CAMSAP3: variants seen among roughly 807,000 people sequenced by gnomAD.
CAMSAP3 encodes the protein calmodulin-regulated spectrin-associated protein 3.
Under a neutral mutation model 112.5 loss-of-function variants are expected in CAMSAP3, and 34 were observed. The observed-to-expected ratio is 0.30, with a 90% CI of 0.23 to 0.40. CAMSAP3 has a LOEUF of 0.40. Ranked by LOEUF, CAMSAP3 falls within the 10% of genes least tolerant of loss-of-function variation. The probability of loss-of-function intolerance (pLI) is 1.00; values close to 1 mark genes in which losing one functional copy is unlikely to be tolerated. For missense variants in CAMSAP3, 1,602 were observed against 1,770.3 expected (o/e 0.90, Z 1.71); for synonymous variants, 868 against 799.8 (o/e 1.09, Z -1.44).
chr19:7,612,862 G>A lies in CAMSAP3; in HGVS notation c.2369G>A (p.Arg790Gln), dbSNP rs1447172074. 3 of 1,601,074 alleles carry A rather than the reference G, an allele frequency of 1.9e-6. No individual in the cohort carries two copies. The highest frequency in any genetic ancestry group is 1.1e-5 in the South Asian group (1 of 90,010). The change falls in exon 11 of 17, where the codon CGG becomes CAG. Residue 790 changes from arginine to glutamine, a missense_variant. By Grantham distance (43) the Arg-to-Gln change is conservative. Coordinates refer to ENST00000160298, the MANE Select transcript of CAMSAP3 (RefSeq NM_020902.2). ...AAACACACGCGGCCAGCGGAGCTGC[G>A]GCTGGCACCCTTGACCAGGGTGCTT... ...SPKHTRPAEL[R>Q]LAPLTRVLTP...
At chr19:7,604,034 C>G (rs1301374293) in intron 1 of CAMSAP3, among the ~76,000 whole-genome samples, 1 of 152,108 alleles carries the variant, frequency 6.6e-6, no homozygotes, top group East Asian at 1.9e-4. Context: ...ACTTGGGAGT[C>G]TGAGGCAGGA....
rs1178493495 is a variant in CAMSAP3 at position 7,615,603 on chromosome 19, G to A, written c.2996G>A (p.Arg999Gln). ...KLMDDLDKVL[R>Q]PRAAGSGGPG... ...ATGGACGACCTCGATAAGGTGCTGC[G>A]GCCCCGGGCTGCGGGGTCCGGGGGT... The change falls in exon 13 of 17, where the codon CGG (arginine) becomes CAG (glutamine). Residue 999 changes from arginine (R) to glutamine (Q), a missense_variant. Arg to Gln is a conservative substitution (Grantham distance 43). Transcript: ENST00000160298. The surrounding 1 kb of genome is among the most constrained non-coding windows in gnomAD (Gnocchi z 6.5). The A allele has an allele frequency of 6.1e-6, 9 of 1,470,446 alleles. No individual in the cohort carries two copies. Among genetic ancestry groups the A allele is most frequent in the Non-Finnish European group, 8.1e-6 (9 of 1,111,520 alleles). 91.1% of individuals were successfully genotyped at this position (1,470,446 alleles called of 1,614,324 possible).
Position 7,596,118 on chromosome 19 carries a change from C to T in CAMSAP3, c.116C>T (p.Ala39Val). The change falls in exon 1 of 17, where the codon GCG becomes GTG. Residue 39 changes from alanine to valine, a missense_variant. Around this residue, in one of 6 missense-constraint regions of CAMSAP3, gnomAD observed 147 missense variants for 144.6 expected, o/e 1.02. Transcript: ENST00000160298. Reference sequence around the variant, plus strand: ...CGGGCCAAGGCGGCGGCCAGCCTGGCGTGGGTGCTGCGGGCCGCGTTCGGG... The same window carrying T: ...CGGGCCAAGGCGGCGGCCAGCCTGGTGTGGGTGCTGCGGGCCGCGTTCGGG... Reference protein sequence around the residue: ...FSRAKAAASLAWVLRAAFGGA... With the variant: ...FSRAKAAASLVWVLRAAFGGA... 8.6e-7 allele frequency: 1 copy of T among 1,165,986 alleles called. No individual in the cohort carries two copies. Among genetic ancestry groups the T allele is most frequent in the Non-Finnish European group, 1.1e-6 (1 of 924,178 alleles). 72.2% of individuals were successfully genotyped at this position (1,165,986 alleles called of 1,614,324 possible). A position where few individuals can be genotyped will look rare whatever the true frequency, so the allele number is the denominator to read the frequency against.
Position 7,615,104 on chromosome 19 carries a change from C to A in CAMSAP3, c.2671-79C>A. The A allele has an allele frequency of 6.6e-7, 1 of 1,514,594 alleles. No individual in the cohort carries two copies. The highest frequency in any genetic ancestry group is 9.0e-7 in the Non-Finnish European group (1 of 1,115,268). The allele number at this position is 1,514,594 out of a possible 1,614,324, so 93.8% of individuals were successfully genotyped here. Reference sequence around the variant, plus strand: ...AACAAAAGCACAGGTGGGTGGCGGGCAGGCTGGGTGGAGGGAAGATGGGCC... The same window carrying A: ...AACAAAAGCACAGGTGGGTGGCGGGAAGGCTGGGTGGAGGGAAGATGGGCC... On this transcript the variant is annotated intron_variant, in intron 11 of 16. Transcript: ENST00000160298. The surrounding 1 kb of genome is among the most constrained non-coding windows in gnomAD (Gnocchi z 6.5).
Position 7,612,918 on chromosome 19 carries a change from C to G in CAMSAP3, c.2425C>G (p.His809Asp). The G allele has an allele frequency of 1.2e-6, 2 of 1,609,932 alleles. No individual in the cohort carries two copies. Among genetic ancestry groups the G allele is most frequent in the Admixed American group, 1.7e-5 (1 of 59,934 alleles). ...TPPHDVDSLP[H>D]LRKFSPSQVP... ...ACCCCACGACGTAGACAGCCTCCCC[C>G]ACCTGCGCAAGTTCTCGCCGAGCCA... The change falls in exon 11 of 17, where the codon CAC (histidine) becomes GAC (aspartate). Residue 809 changes from histidine (H) to aspartate (D), a missense_variant. Physicochemically the swap from His to Asp is moderately conservative, Grantham distance 81. Transcript: ENST00000160298.
In CAMSAP3 at chr19:7,610,660, G is replaced by T. The variant is rs201182923; in HGVS notation, c.901-40G>T. The T allele has an allele frequency of 4.3e-6, 7 of 1,613,860 alleles. No homozygotes were observed. The Admixed American group carries it at 1.2e-4, about 27-fold the overall frequency. ...TCCTGGGCCGAGGCGGGCATCTGGG[G>T]CCAGGGGTCCCGTCTGCTGACCCGG... is the stretch of plus-strand genomic sequence containing the variant. On this transcript the variant is annotated intron_variant, in intron 6 of 16. Coordinates refer to ENST00000160298, the MANE Select transcript of CAMSAP3 (RefSeq NM_020902.2). This position sits in a 1 kb window ranked among gnomAD's most constrained non-coding sequence, Gnocchi z 4.9.
chr19:7,616,826 G>A (rs1263261101), intron 14 of CAMSAP3, among the ~76,000 whole-genome samples: 3 of 151,906 alleles, frequency 2.0e-5, no homozygotes, highest in African/African-American at 7.3e-5. Context: ...GTGCCTCAGT[G>A]CACTTGAGTG....
intron 11 of CAMSAP3, among the ~76,000 whole-genome samples, chr19:7,614,283 A>AAAAAAAAAAAAAAAT: frequency 7.0e-6 from 1 of 142,530 alleles, no homozygotes; most frequent in Non-Finnish European, 1.5e-5. Flanking sequence ...AAAAAAAAAA[A>AAAAAAAAAAAAAAAT]GTGAGCACAG....
chr19:7,598,157 G>A (rs988350418), intron 1 of CAMSAP3, among the ~76,000 whole-genome samples: 1 of 152,158 alleles, frequency 6.6e-6, no homozygotes, highest in African/African-American at 2.4e-5. Flanking sequence ...GCTGGCCAGC[G>A]GGGCCTGGGG....
At chr19:7,616,943 T>TTG (rs1555763649) in intron 14 of CAMSAP3, among the ~76,000 whole-genome samples, 1 of 127,420 alleles carries the variant, frequency 7.8e-6, no homozygotes, top group Non-Finnish European at 1.7e-5. Flanking sequence ...CCTTTTTTTT[T>TTG]TTTTTTTTTT....
intron 1 of CAMSAP3, among the ~76,000 whole-genome samples, chr19:7,600,158 C>T (rs1480720322): frequency 2.0e-4 from 1 of 5,034 alleles, no homozygotes; most frequent in South Asian, 4.4e-3. Flanking sequence ...CACCCACCCT[C>T]CCACCCATCC....
chr19:7,610,205 C>T lies in CAMSAP3; in HGVS notation c.761-271C>T, dbSNP rs2030404116. Among the ~76,000 whole-genome samples, 1 of 151,880 alleles carries T rather than the reference C, an allele frequency of 6.6e-6. No individual in the cohort carries two copies. The highest frequency in any genetic ancestry group is 2.1e-4 in the South Asian group (1 of 4,812). ...TTGTGGCACACTCCTGTAATCCCAGCTACTCAGGAGGCTGAGGTGGGAGAA... is the reference window on the plus strand; with the variant it reads ...TTGTGGCACACTCCTGTAATCCCAGTTACTCAGGAGGCTGAGGTGGGAGAA... On this transcript the variant is annotated intron_variant, in intron 5 of 16. Transcript: ENST00000160298. The surrounding 1 kb of genome is among the most constrained non-coding windows in gnomAD (Gnocchi z 4.9).
At position 7,617,802 on chromosome 19, in the gene CAMSAP3, G is replaced by C; in HGVS notation, c.3495G>C (p.Ser1165=). Residue 1165 remains serine (S), a synonymous_variant, in exon 17 of 17, where the codon TCG becomes TCC. Transcript: ENST00000160298. The surrounding 1 kb of genome is among the most constrained non-coding windows in gnomAD (Gnocchi z 7.5). Reference sequence around the variant, plus strand: ...ACTTCCTGATCCTCTTTCGCGACTCGAGCTGCCAGTTCCGGGCGCTCTACA... The same window carrying C: ...ACTTCCTGATCCTCTTTCGCGACTCCAGCTGCCAGTTCCGGGCGCTCTACA... ...ANHFLILFRD[S]SCQFRALYTL... 2 of 1,613,304 alleles carry C rather than the reference G, an allele frequency of 1.2e-6. No homozygotes were observed. The highest frequency in any genetic ancestry group is 1.7e-6 in the Non-Finnish European group (2 of 1,179,706).
In CAMSAP3 at chr19:7,596,159, G is replaced by A. The variant is rs763475498; in HGVS notation, c.148+9G>A. The stretch of plus-strand genomic sequence containing the variant: ...CGCGTTCGGGGGCGCAGGTACCGGG[G>A]CTCGGGGGACCGGGGTCGGGGGCGG... On this transcript the variant is annotated intron_variant, in intron 1 of 16. Transcript: ENST00000160298. 2 of 1,052,902 alleles carry A rather than the reference G, an allele frequency of 1.9e-6. No homozygotes were observed. Among genetic ancestry groups the A allele is most frequent in the South Asian group, 3.7e-5 (1 of 27,376 alleles). The allele number at this position is 1,052,902 out of a possible 1,614,324, so 65.2% of individuals were successfully genotyped here. A position where few individuals can be genotyped will look rare whatever the true frequency, so the allele number is the denominator to read the frequency against.
At chr19:7,614,283 A>AAAAAAAAAAAAAAAAAAC (rs1568447679) in intron 11 of CAMSAP3, among the ~76,000 whole-genome samples, 1 of 142,530 alleles carries the variant, frequency 7.0e-6, no homozygotes, top group Non-Finnish European at 1.5e-5. Context: ...AAAAAAAAAA[A>AAAAAAAAAAAAAAAAAAC]GTGAGCACAG....
At position 7,617,509 on chromosome 19, in the gene CAMSAP3, G is replaced by GCCCCCCCCCCCCC; in HGVS notation, c.3326-28_3326-27insCCCCCCCCCCCCC. The GCCCCCCCCCCCCC allele has an allele frequency of 6.2e-7, 1 of 1,608,450 alleles. No individual in the cohort carries two copies. Among genetic ancestry groups the GCCCCCCCCCCCCC allele is most frequent in the Non-Finnish European group, 8.5e-7 (1 of 1,175,022 alleles). On this transcript the variant is annotated intron_variant, in intron 15 of 16. Coordinates refer to ENST00000160298, the MANE Select transcript of CAMSAP3 (RefSeq NM_020902.2). The surrounding 1 kb of genome is among the most constrained non-coding windows in gnomAD (Gnocchi z 7.5). Reference sequence around the variant, plus strand: ...TCCACAGCCCCTGCTCATTCCTGCTGCCCCCCACCCCCTCCCACTGCCTCA... The same window carrying GCCCCCCCCCCCCC: ...TCCACAGCCCCTGCTCATTCCTGCTGCCCCCCCCCCCCCCCCCCCACCCCCTCCCACTGCCTCA...
chr19:7,599,212 CTCATCCATCCATCCACCCACCCATTCAT>C (rs1357174774), intron 1 of CAMSAP3, among the ~76,000 whole-genome samples: 2 of 149,412 alleles, frequency 1.3e-5, no homozygotes. Flanking sequence ...CATCTACCCA[CTCATCCATCCATCCACCCACCCATTCAT>C]TCATCCATCC....
intron 2 of CAMSAP3, 120 bp from the exon 3 acceptor site, chr19:7,606,151 G>GGCC: frequency 2.0e-5 from 3 of 151,400 alleles, no homozygotes; most frequent in Admixed American, 7.5e-5. Context: ...GCCCCCTCAA[G>GGCC]CCCCACCCCC....
intron 14 of CAMSAP3, 52 bp downstream of exon 14, chr19:7,616,674 C>CT: frequency 7.5e-7 from 1 of 1,333,312 alleles, no homozygotes; most frequent in Non-Finnish European, 1.1e-6. Flanking sequence ...CTTCCCAGAG[C>CT]CTGGGAGGTG....
Sources: allele counts gnomAD v4.1 joint callset (sites outside exome capture counted in the v4.1 genomes callset), GRCh38; gene constraint gnomAD v4.1.1; regional missense constraint gnomAD v4.1.1; non-coding constraint Gnocchi (gnomAD v3.1); transcripts MANE v1.5; gene names NCBI Gene and HGNC (gene_info 2026-07-23, HGNC 2026-07-21).